The following SNAP91 variants were observed in gnomAD, a reference collection of about 807,000 sequenced individuals.
SNAP91 encodes synaptosome associated protein 91, also known as clathrin coat assembly protein AP180.
SNAP91 carries 27 observed loss-of-function variants against 100.3 expected under a neutral mutation model. That is an observed-to-expected ratio of 0.27 (90% CI 0.20 to 0.37). SNAP91 has a LOEUF of 0.37. Among genes scored for constraint, SNAP91 ranks in the 10% least tolerant of loss-of-function variants. SNAP91 has a pLI of 1.00. For synonymous variants in SNAP91, 404 were observed against 398.6 expected (o/e 1.01, Z -0.16); for missense variants, 986 against 1,123.7 (o/e 0.88, Z 1.75).
At chr6:83,704,576 A>G (rs2099355878) in intron 2 of SNAP91, among the ~76,000 whole-genome samples, 1 of 152,158 alleles carries the variant, frequency 6.6e-6, no homozygotes, top group Non-Finnish European at 1.5e-5. Flanking sequence ...ATGACTAACA[A>G]TAATAATTTT....
At chr6:83,589,221 T>C (rs2093358840) in intron 22 of SNAP91, among the ~76,000 whole-genome samples, 1 of 152,174 alleles carries the variant, frequency 6.6e-6, no homozygotes, top group Admixed American at 6.5e-5. Flanking sequence ...AAAGTTTCTG[T>C]AGCCAATTGG....
intron 2 of SNAP91, among the ~76,000 whole-genome samples, chr6:83,668,094 T>C (rs954426476): frequency 6.6e-6 from 1 of 152,196 alleles, no homozygotes; most frequent in Non-Finnish European, 1.5e-5. Flanking sequence ...TCATCATTAC[T>C]GGCCATCAGA....
chr6:83,657,821 C>T lies in SNAP91; in HGVS notation c.547-956G>A, dbSNP rs1031646354. On this transcript the variant is annotated intron_variant, in intron 6 of 29. Coordinates refer to ENST00000369694, the MANE Select transcript of SNAP91 (RefSeq NM_001242792.2). ...TCACTCTGTCGTCTAGACTGGAGTG[C>T]AGTGGCATGATCTCAGCTCACTGCT... Among the ~76,000 whole-genome samples the T allele has an allele frequency of 6.0e-5, 9 of 150,754 alleles. No individual in the cohort carries two copies. The East Asian group carries it at 1.6e-3, about 26-fold the overall frequency.
Position 83,604,264 on chromosome 6 carries a change from C to A in SNAP91, c.1141+1421G>T, listed in dbSNP as rs912083074. On this transcript the variant is annotated intron_variant, in intron 14 of 29. Transcript: ENST00000369694. ...ATAAAAACATGAGTAAAAAAGAATG[C>A]CCTTATAAAATCTCTTTAGCAATAT... 2.0e-5 allele frequency among the ~76,000 whole-genome samples: 3 copies of A among 151,766 alleles called. No individual in the cohort carries two copies. The South Asian group carries it at 6.3e-4, about 32-fold the overall frequency.
intron 2 of SNAP91, among the ~76,000 whole-genome samples, chr6:83,704,779 T>A (rs1271446359): frequency 3.3e-5 from 5 of 152,172 alleles, no homozygotes; most frequent in African/African-American, 1.2e-4. Flanking sequence ...ATCAAACTAG[T>A]AATAAATTGA....
chr6:83,650,925 C>T (rs923039137), intron 7 of SNAP91, among the ~76,000 whole-genome samples: 1 of 152,132 alleles, frequency 6.6e-6, no homozygotes, highest in Non-Finnish European at 1.5e-5. Flanking sequence ...TAATTATTGA[C>T]TAAGTATCTT....
At chr6:83,667,782 T>C (rs1196531383) in intron 2 of SNAP91, among the ~76,000 whole-genome samples, 1 of 152,132 alleles carries the variant, frequency 6.6e-6, no homozygotes, top group African/African-American at 2.4e-5. Flanking sequence ...AAGGACTTCA[T>C]GTCTAAAACA....
chr6:83,644,633 C>A (rs929267755), intron 7 of SNAP91, among the ~76,000 whole-genome samples: 1 of 152,122 alleles, frequency 6.6e-6, no homozygotes, highest in Admixed American at 6.5e-5. Context: ...GGAAAGAAAC[C>A]AAATGAAAAA....
intron 2 of SNAP91, among the ~76,000 whole-genome samples, chr6:83,668,398 A>C (rs2098724860): frequency 6.6e-6 from 1 of 152,132 alleles, no homozygotes; most frequent in African/African-American, 2.4e-5. Flanking sequence ...TATTGCAGCA[A>C]TATTCACAAT....
chr6:83,582,123 T>A, intron 23 of SNAP91, 99 bp downstream of exon 23: 1 of 1,295,530 alleles, frequency 7.7e-7, no homozygotes, highest in Non-Finnish European at 1.1e-6. Context: ...CACTCAATAT[T>A]TGCTTGTTGT....
intron 7 of SNAP91, among the ~76,000 whole-genome samples, chr6:83,647,512 A>C (rs1443388539): frequency 6.6e-6 from 1 of 152,158 alleles, no homozygotes; most frequent in African/African-American, 2.4e-5. Context: ...ATGTTGAACC[A>C]GCTTTGCATA....
chr6:83,612,835 G>C (rs962320903), intron 11 of SNAP91, among the ~76,000 whole-genome samples: 1 of 145,774 alleles, frequency 6.9e-6, no homozygotes, highest in Non-Finnish European at 1.5e-5. Context: ...AGGTTGCAGC[G>C]AGCCGAGATC....
intron 9 of SNAP91, among the ~76,000 whole-genome samples, chr6:83,621,105 A>G (rs1462839061): frequency 6.6e-6 from 1 of 152,136 alleles, no homozygotes; most frequent in Non-Finnish European, 1.5e-5. Context: ...TGCATGTCAC[A>G]GGGGTACCAC....
chr6:83,693,254 T>C (rs1413749630), intron 2 of SNAP91, among the ~76,000 whole-genome samples: 1 of 152,170 alleles, frequency 6.6e-6, no homozygotes, highest in African/African-American at 2.4e-5. Flanking sequence ...TTTCCTCCTC[T>C]GTAAACTGGG....
chr6:83,669,620 T>C (rs1336403442), intron 2 of SNAP91, among the ~76,000 whole-genome samples: 2 of 151,968 alleles, frequency 1.3e-5, no homozygotes, highest in African/African-American at 4.8e-5. Context: ...TCCAAAAGTT[T>C]CCCCATACCC....
chr6:83,642,816 AG>A (rs2097765077), intron 7 of SNAP91, among the ~76,000 whole-genome samples: 1 of 152,160 alleles, frequency 6.6e-6, no homozygotes, highest in Admixed American at 6.5e-5. Context: ...ACAGTGTAAA[AG>A]TGTTCCTATT....
intron 2 of SNAP91, among the ~76,000 whole-genome samples, chr6:83,682,823 T>C (rs957241982): frequency 1.3e-5 from 2 of 150,068 alleles, no homozygotes; most frequent in African/African-American, 4.9e-5. Flanking sequence ...AAATTAGCCT[T>C]TTTTTTTGAG....
Position 83,601,275 on chromosome 6 carries a change from A to C in SNAP91, c.1320T>G (p.Phe440Leu). ...VTAVTAEVDL[F>L]GDAFAASPGE... ...GTAGCAGCGAGACTAACTAACCTCC[A>C]AAGAGATCCACTTCAGCAGTGACAG... is the stretch of plus-strand genomic sequence containing the variant. The change falls in exon 16 of 30, where the codon TTT (phenylalanine) becomes TTG (leucine). Residue 440 changes from phenylalanine (F) to leucine (L), a missense_variant. By Grantham distance (22) the Phe-to-Leu change is conservative (BLOSUM62 0). This residue lies in a region of SNAP91 where 575 missense variants were observed against 579.9 expected (regional missense o/e 0.99). Coordinates refer to ENST00000369694, the MANE Select transcript of SNAP91 (RefSeq NM_001242792.2). 1 of 1,613,408 alleles carries C rather than the reference A, an allele frequency of 6.2e-7. No homozygotes were observed. Among genetic ancestry groups the C allele is most frequent in the Non-Finnish European group, 8.5e-7 (1 of 1,179,588 alleles).
At chr6:83,611,990 G>A (rs1339646839) in intron 11 of SNAP91, among the ~76,000 whole-genome samples, 2 of 149,664 alleles carry the variant, frequency 1.3e-5, no homozygotes, top group African/African-American at 5.0e-5. Flanking sequence ...CAAAGTGCTG[G>A]AATTACAGGC....
Sources: gnomAD v4.1 joint callset for allele counts (sites outside exome capture counted in the v4.1 genomes callset) on GRCh38, gnomAD v4.1.1 for gene constraint, gnomAD v4.1.1 regional missense constraint, MANE v1.5 for transcripts, NCBI Gene and HGNC (gene_info 2026-07-23, HGNC 2026-07-21) for gene names.